Variants in GRB2 observed in about 807,000 individuals in gnomAD.
The protein encoded by GRB2 is growth factor receptor-bound protein 2.
In GRB2, 2 loss-of-function variants were observed where a neutral mutation model predicts 27.4. The ratio of observed to expected loss-of-function variants is 0.07; its 90% CI spans 0.03 to 0.23. The LOEUF (loss-of-function observed/expected upper bound fraction) is 0.23, where lower values mean the gene tolerates loss of function less well. Among genes scored for constraint, GRB2 ranks in the 10% least tolerant of loss-of-function variants. The pLI is 1.00. For synonymous variants in GRB2, 94 were observed against 99.6 expected (o/e 0.94, Z 0.33); for missense variants, 102 against 282.4 (o/e 0.36, Z 4.58).
chr17:75,347,621 C>T (rs370027166), intron 2 of GRB2, among the ~76,000 whole-genome samples: 4 of 152,166 alleles, frequency 2.6e-5, no homozygotes, highest in African/African-American at 9.7e-5. Flanking sequence ...CCTCCTCACC[C>T]TTAAATTGCC....
chr17:75,369,528 T>A (rs1233792582), intron 2 of GRB2, among the ~76,000 whole-genome samples: 1 of 151,970 alleles, frequency 6.6e-6, no homozygotes, highest in Non-Finnish European at 1.5e-5. Context: ...AGACAAGGAC[T>A]CTGGATGGAT....
chr17:75,393,525 G>A (rs1366030956), intron 2 of GRB2, 26 bp downstream of exon 2: 9 of 1,580,936 alleles, frequency 5.7e-6, no homozygotes, highest in Non-Finnish European at 7.8e-6. Flanking sequence ...AGCGATCTCA[G>A]CATTGTGCTC....
chr17:75,398,825 G>A (rs1019576369), intron 1 of GRB2, among the ~76,000 whole-genome samples: 1 of 151,154 alleles, frequency 6.6e-6, no homozygotes, highest in Non-Finnish European at 1.5e-5. Flanking sequence ...TCCGCTCACT[G>A]CAACCTCCAC....
intron 2 of GRB2, among the ~76,000 whole-genome samples, chr17:75,380,039 G>A (rs1270746560): frequency 3.9e-5 from 6 of 152,134 alleles, no homozygotes; most frequent in Admixed American, 3.3e-4. Flanking sequence ...CAGTTTTAGC[G>A]CCAATTTGTT....
At chr17:75,333,654 G>C (rs2078556285) in intron 2 of GRB2, among the ~76,000 whole-genome samples, 1 of 152,126 alleles carries the variant, frequency 6.6e-6, no homozygotes, top group South Asian at 2.1e-4. Context: ...AACAGCTCCA[G>C]AACACTGCTG....
chr17:75,338,911 G>A (rs893475198), intron 2 of GRB2: 9 of 903,058 alleles, frequency 1.0e-5, no homozygotes, highest in Non-Finnish European at 1.5e-5. Context: ...GTACAAGAAG[G>A]GAAAGGATTC....
rs71159485 is a variant in GRB2, at chr17:75,324,198, A to AGTTTGTTT, written c.299+1692_299+1699dup. 1.8e-4 allele frequency among the ~76,000 whole-genome samples: 27 copies of AGTTTGTTT among 150,676 alleles called. No homozygotes were observed. The South Asian group carries it at 5.0e-3, about 28-fold the overall frequency. ...GGTTCTAAAACCAAATAAGATATTC[A>AGTTTGTTT]GTTTGTTTGTTTGTTTTGGGAGACA... On this transcript the variant is annotated intron_variant, in intron 4 of 5. Transcript: ENST00000316804.
At chr17:75,403,063 G>A (rs553137006) in intron 1 of GRB2, among the ~76,000 whole-genome samples, 4 of 36,810 alleles carry the variant, frequency 1.1e-4, no homozygotes, top group Non-Finnish European at 1.3e-4. Flanking sequence ...CAACAAGAGC[G>A]AGAATCTGTC....
At chr17:75,326,569 A>C (rs2078500127) in intron 3 of GRB2, among the ~76,000 whole-genome samples, 1 of 152,228 alleles carries the variant, frequency 6.6e-6, no homozygotes, top group Non-Finnish European at 1.5e-5. Context: ...CCAGTAACTA[A>C]GGTCAGCATT....
intron 2 of GRB2, chr17:75,372,742 T>C (rs1461825110): frequency 6.6e-6 from 1 of 152,210 alleles, no homozygotes; most frequent in East Asian, 1.9e-4. Context: ...TAAATAGCCA[T>C]ATAAGCTAGA....
rs1036405102 is a variant in GRB2 at position 75,344,857 on chromosome 17, C to G, written c.79-12060G>C. Among the ~76,000 whole-genome samples, 5 of 151,738 alleles carry G rather than the reference C, an allele frequency of 3.3e-5. No individual in the cohort carries two copies. In the South Asian group the frequency reaches 1.0e-3, roughly 32 times the overall value. On this transcript the variant is annotated intron_variant, in intron 2 of 5. Coordinates refer to ENST00000316804, the MANE Select transcript of GRB2 (RefSeq NM_002086.5). ...CCAACCCCCCACACCCCCTCCCAAC[C>G]CCCCCGCCTGGGGGAGCAGCTGTTA...
At chr17:75,371,672 CGA>C (rs930003862) in intron 2 of GRB2, 4 of 151,732 alleles carry the variant, frequency 2.6e-5, no homozygotes, top group African/African-American at 9.7e-5. Flanking sequence ...TTCTAAGCAA[CGA>C]GAGGTGGCCA....
chr17:75,329,963 G>A (rs548391088), intron 3 of GRB2, among the ~76,000 whole-genome samples: 6 of 152,204 alleles, frequency 3.9e-5, no homozygotes, highest in African/African-American at 1.2e-4. Context: ...ACATGCTTAC[G>A]GGTGAATTTT....
At chr17:75,343,095 G>A (rs1248494336) in intron 2 of GRB2, among the ~76,000 whole-genome samples, 1 of 148,824 alleles carries the variant, frequency 6.7e-6, no homozygotes, top group Non-Finnish European at 1.5e-5. Context: ...GGGGGTGGGT[G>A]GGTAGAGCAG....
intron 2 of GRB2, among the ~76,000 whole-genome samples, chr17:75,353,400 C>T (rs909688041): frequency 6.6e-6 from 1 of 151,916 alleles, no homozygotes; most frequent in African/African-American, 2.4e-5. Context: ...CTCTGTTGCT[C>T]AAGGGTCAAC....
chr17:75,337,704 G>C (rs2145830115), intron 2 of GRB2, among the ~76,000 whole-genome samples: 1 of 150,420 alleles, frequency 6.6e-6, no homozygotes, highest in East Asian at 2.0e-4. Flanking sequence ...CCGAGTAGCT[G>C]GGACTACAGG....
intron 2 of GRB2, among the ~76,000 whole-genome samples, chr17:75,368,526 G>GT (rs1216199577): frequency 0.011 from 1,551 of 141,700 alleles, 13 homozygotes; most frequent in African/African-American, 0.035. Context: ...TCAGGCGTTT[G>GT]TTTTTTTTTT....
At chr17:75,345,639 G>T (rs367699344) in intron 2 of GRB2, among the ~76,000 whole-genome samples, 3 of 152,114 alleles carry the variant, frequency 2.0e-5, no homozygotes, top group Admixed American at 1.3e-4. Context: ...ATCGGGAAAG[G>T]CTTGTTATAA....
At chr17:75,357,764 T>C (rs1421076576) in intron 2 of GRB2, among the ~76,000 whole-genome samples, 1 of 152,024 alleles carries the variant, frequency 6.6e-6, no homozygotes, top group Admixed American at 6.6e-5. Flanking sequence ...CTACTAAAAA[T>C]ACAAAAATTA....
Sources: allele counts gnomAD v4.1 joint callset (sites outside exome capture counted in the v4.1 genomes callset), GRCh38; gene constraint gnomAD v4.1.1; transcripts MANE v1.5; gene names NCBI Gene and HGNC (gene_info 2026-07-23, HGNC 2026-07-21).